The following TXK variants were observed in gnomAD, a reference collection of about 807,000 sequenced individuals.
The protein encoded by TXK is TXK tyrosine kinase.
Under a neutral mutation model 81.0 loss-of-function variants are expected in TXK, and 60 were observed. That is an observed-to-expected ratio of 0.74 (90% CI 0.60 to 0.92). The LOEUF is 0.92. Ranked by LOEUF, TXK falls within the 40% of genes least tolerant of loss-of-function variation. The probability of loss-of-function intolerance (pLI) is 0.00; values close to 1 mark genes in which losing one functional copy is unlikely to be tolerated. For missense variants in TXK, 581 were observed against 638.3 expected, an observed-to-expected ratio of 0.91 and a Z score of 0.97; for synonymous variants, 203 against 210.7, an observed-to-expected ratio of 0.96 and a Z score of 0.32.
chr4:48,088,860 A>G (rs1372520446), intron 9 of TXK, among the ~76,000 whole-genome samples: 2 of 152,064 alleles, frequency 1.3e-5, no homozygotes, highest in African/African-American at 4.8e-5. Flanking sequence ...TTTTTTCCCA[A>G]TATATTGTGT....
At chr4:48,106,661 G>T (rs901292841) in intron 5 of TXK, among the ~76,000 whole-genome samples, 12 of 152,210 alleles carry the variant, frequency 7.9e-5, no homozygotes, top group African/African-American at 2.4e-4. Flanking sequence ...AACCCCATTA[G>T]ATCTGAGAAT....
intron 1 of TXK, among the ~76,000 whole-genome samples, chr4:48,131,281 A>T (rs1262574779): frequency 6.6e-6 from 1 of 151,976 alleles, no homozygotes; most frequent in East Asian, 1.9e-4. Context: ...TAAAACAACA[A>T]ATGTTTTTGG....
intron 2 of TXK, among the ~76,000 whole-genome samples, chr4:48,113,572 C>T (rs1718709302): frequency 6.6e-6 from 1 of 152,182 alleles, no homozygotes; most frequent in Admixed American, 6.5e-5. Context: ...CCAGTAGAGT[C>T]TGGTGCATCT....
chr4:48,129,737 G>A (rs995720940), intron 1 of TXK, among the ~76,000 whole-genome samples: 1 of 152,188 alleles, frequency 6.6e-6, no homozygotes, highest in African/African-American at 2.4e-5. Context: ...TTTCTCAGAA[G>A]GGGCTGATGT....
intron 1 of TXK, among the ~76,000 whole-genome samples, chr4:48,115,287 G>T (rs1718769256): frequency 6.6e-6 from 1 of 152,092 alleles, no homozygotes; most frequent in Non-Finnish European, 1.5e-5. Context: ...ACTTATGAGT[G>T]AGAATATGCA....
At chr4:48,121,279 A>C (rs1165815088) in intron 1 of TXK, among the ~76,000 whole-genome samples, 1 of 152,216 alleles carries the variant, frequency 6.6e-6, no homozygotes, top group Non-Finnish European at 1.5e-5. Flanking sequence ...ACAGGAGATG[A>C]AATCTGAACT....
intron 10 of TXK, 111 bp from the exon 11 acceptor site, chr4:48,080,239 G>A: frequency 1.1e-6 from 1 of 870,582 alleles, no homozygotes. Context: ...ATCAAGATAA[G>A]ATAAAAATCA....
intron 6 of TXK, among the ~76,000 whole-genome samples, chr4:48,098,610 T>G (rs1718072292): frequency 6.6e-6 from 1 of 152,172 alleles, no homozygotes; most frequent in African/African-American, 2.4e-5. Flanking sequence ...ACAATAGCAC[T>G]TACTCACTTT....
chr4:48,070,349 T>A (rs11724102), intron 14 of TXK, among the ~76,000 whole-genome samples: 10,421 of 152,238 alleles, frequency 0.068, 485 homozygotes, highest in South Asian at 0.16. Flanking sequence ...TGAGTGGAAG[T>A]TCCTGACACA....
intron 5 of TXK, among the ~76,000 whole-genome samples, chr4:48,106,902 T>C (rs894318121): frequency 1.3e-5 from 2 of 152,302 alleles, no homozygotes; most frequent in East Asian, 3.9e-4. Context: ...GAAGATAATT[T>C]GACTTGTTTT....
At chr4:48,096,692 C>A (rs1345250877) in intron 6 of TXK, among the ~76,000 whole-genome samples, 1 of 152,116 alleles carries the variant, frequency 6.6e-6, no homozygotes, top group Non-Finnish European at 1.5e-5. Context: ...CCATGCCTGG[C>A]TAATTTTTGT....
intron 11 of TXK, among the ~76,000 whole-genome samples, chr4:48,079,333 T>G (rs1717200840): frequency 6.6e-6 from 1 of 152,204 alleles, no homozygotes; most frequent in African/African-American, 2.4e-5. Flanking sequence ...AAGATTCTGA[T>G]TCTCCTTAAA....
intron 1 of TXK, among the ~76,000 whole-genome samples, chr4:48,125,614 C>T (rs1719071298): frequency 6.6e-6 from 1 of 152,208 alleles, no homozygotes; most frequent in African/African-American, 2.4e-5. Flanking sequence ...AAATGACAGA[C>T]ACAATGTTAA....
In TXK at chr4:48,092,009, G is replaced by A. The variant is rs149439648; in HGVS notation, c.709+2068C>T. On this transcript the variant is annotated intron_variant, in intron 8 of 14. Coordinates refer to ENST00000264316, the MANE Select transcript of TXK (RefSeq NM_003328.3). ...ATCAATTGCATTTGATAATTAATCA[G>A]AAGTGAGCTATTAAGAAGCATCTAT... 2.2e-4 allele frequency among the ~76,000 whole-genome samples: 33 copies of A among 152,326 alleles called. No individual in the cohort carries two copies. In the East Asian group the frequency reaches 6.4e-3, roughly 29 times the overall value.
intron 1 of TXK, 147 bp from the exon 2 acceptor site, chr4:48,114,549 T>C: frequency 5.2e-6 from 4 of 764,506 alleles, no homozygotes; most frequent in South Asian, 3.4e-5. Flanking sequence ...CAAATAACTG[T>C]CACTAAAGCA....
At chr4:48,120,909 A>T (rs1168103801) in intron 1 of TXK, among the ~76,000 whole-genome samples, 1 of 151,236 alleles carries the variant, frequency 6.6e-6, no homozygotes, top group Non-Finnish European at 1.5e-5. Flanking sequence ...GTCACCAGTG[A>T]CCCATGCACC....
At position 48,113,199 on chromosome 4, in the gene TXK, ATACT is replaced by A; in HGVS notation, c.174+4_174+7del. 6.2e-7 allele frequency: 1 copy of A among 1,606,158 alleles called. No homozygotes were observed. Among genetic ancestry groups the A allele is most frequent in the Non-Finnish European group, 8.5e-7 (1 of 1,173,294 alleles). On this transcript the variant is annotated splice_donor_5th_base_variant and intron_variant, in intron 3 of 14. Coordinates refer to ENST00000264316, the MANE Select transcript of TXK (RefSeq NM_003328.3). ...CATTCCCCTCTTGCCTGTCAAAATGATACTTACTTGCTTCTTATTTGACAATTGG... is the reference window on the plus strand; with the variant it reads ...CATTCCCCTCTTGCCTGTCAAAATGATACTTGCTTCTTATTTGACAATTGG...
chr4:48,126,643 G>GGA, intron 1 of TXK, among the ~76,000 whole-genome samples: 2 of 150,908 alleles, frequency 1.3e-5, no homozygotes, highest in Non-Finnish European at 3.0e-5. Flanking sequence ...TGGGACTACA[G>GGA]GCACACTCCA....
chr4:48,105,293 G>A (rs2661524), intron 5 of TXK, among the ~76,000 whole-genome samples: 113,579 of 151,922 alleles, frequency 0.75, 42,517 homozygotes, highest in East Asian at 0.81. Flanking sequence ...CAGACAAACT[G>A]AAAAAATACT....
Sources: allele counts gnomAD v4.1 joint callset (sites outside exome capture counted in the v4.1 genomes callset), GRCh38; gene constraint gnomAD v4.1.1; transcripts MANE v1.5; gene names NCBI Gene and HGNC (gene_info 2026-07-23, HGNC 2026-07-21).